Variants in RORC observed in about 807,000 individuals in gnomAD.
RORC encodes the protein RAR related orphan receptor C, also known as nuclear receptor ROR-gamma.
Under a neutral mutation model 64.5 loss-of-function variants are expected in RORC, and 13 were observed. The observed-to-expected ratio is 0.20, with a 90% CI of 0.13 to 0.32. RORC has a LOEUF of 0.32. Ranked by LOEUF, RORC falls within the 10% of genes least tolerant of loss-of-function variation. The pLI, the probability that RORC is intolerant of heterozygous loss-of-function variation, is 1.00. For synonymous variants in RORC, 277 were observed against 259.3 expected (o/e 1.07, Z -0.65); for missense variants, 468 against 669.5 (o/e 0.70, Z 3.32).
At chr1:151,831,156 C>A in intron 1 of RORC, 4 of 1,252,050 alleles carry the variant, frequency 3.2e-6, no homozygotes, top group Non-Finnish European at 4.1e-6. Flanking sequence ...ATCCCACATC[C>A]CTGGGTGAGT....
In RORC at chr1:151,830,659, C is replaced by CACACACACACACACACACACACACACAA. The variant is rs59443678; in HGVS notation, c.40+1065_40+1066insTTGTGTGTGTGTGTGTGTGTGTGTGTGT. Among the ~76,000 whole-genome samples the CACACACACACACACACACACACACACAA allele has an allele frequency of 1.4e-5, 2 of 139,054 alleles. No individual in the cohort carries two copies. 91.2% of individuals were successfully genotyped at this position (139,054 alleles called of 152,430 possible). A position where few individuals can be genotyped will look rare whatever the true frequency, so the allele number is the denominator to read the frequency against. On this transcript the variant is annotated intron_variant, in intron 1 of 10. Transcript: ENST00000318247. This position sits in a 1 kb window ranked among gnomAD's most constrained non-coding sequence, Gnocchi z 4.0. ...ACACACACACACACACACACACACACACAGTGCCCTTCTGCCCGGGAGATG... is the reference window on the plus strand; with the variant it reads ...ACACACACACACACACACACACACACACACACACACACACACACACACACACAAACAGTGCCCTTCTGCCCGGGAGATG...
At position 151,815,173 on chromosome 1, in the gene RORC, G is replaced by C. The variant is rs201371377; in HGVS notation, c.551C>G (p.Pro184Arg). The change falls in exon 5 of 11, where the codon CCC becomes CGC. Residue 184 changes from proline to arginine, a missense_variant. Physicochemically the swap from Pro to Arg is moderately radical, Grantham distance 103. Transcript: ENST00000318247. The part of the protein sequence containing the change: ...PGLLKASGSG[P>R]SYSNNLAKAG... Reference sequence around the variant, plus strand: ...CTTGGCCAAGTTGTTGGAATATGAGGGCCCAGAGCCTGAGGCTTTCAGGAG... The same window carrying C: ...CTTGGCCAAGTTGTTGGAATATGAGCGCCCAGAGCCTGAGGCTTTCAGGAG... 1.2e-6 allele frequency: 2 copies of C among 1,613,862 alleles called. No homozygotes were observed. Among genetic ancestry groups the C allele is most frequent in the Non-Finnish European group, 1.7e-6 (2 of 1,179,952 alleles).
chr1:151,826,004 G>C, intron 2 of RORC: 1 of 1,606,992 alleles, frequency 6.2e-7, no homozygotes, highest in South Asian at 1.1e-5. Flanking sequence ...CAGGAGTGGG[G>C]TGCAGCTGGC....
At chr1:151,824,876 T>G (rs1326523638) in intron 2 of RORC, among the ~76,000 whole-genome samples, 1 of 152,202 alleles carries the variant, frequency 6.6e-6, no homozygotes. Context: ...AAGTGCCTGG[T>G]CTTACACTGT....
chr1:151,817,649 T>C (rs1425271581), intron 2 of RORC, among the ~76,000 whole-genome samples: 1 of 152,230 alleles, frequency 6.6e-6, no homozygotes, highest in Admixed American at 6.5e-5. Context: ...TCACAACACC[T>C]GCTTCCCGCC....
At position 151,829,427 on chromosome 1, in the gene RORC, A is replaced by T; in HGVS notation, c.70+2T>A. ...TTTTCTTGCCCCGGACCCCCTACTCACAGGTGTGGGTCTTCTTTGCAGCCA... is the reference window on the plus strand; with the variant it reads ...TTTTCTTGCCCCGGACCCCCTACTCTCAGGTGTGGGTCTTCTTTGCAGCCA... On this transcript the variant is annotated splice_donor_variant, in intron 2 of 10. Coordinates refer to ENST00000318247, the MANE Select transcript of RORC (RefSeq NM_005060.4). LOFTEE classifies it high-confidence loss of function. The T allele has an allele frequency of 6.5e-7, 1 of 1,535,858 alleles. No individual in the cohort carries two copies.
rs932009589 is a variant in RORC, at chr1:151,829,294, G to T, written c.70+135C>A. On this transcript the variant is annotated intron_variant, in intron 2 of 10. Transcript: ENST00000318247. ...CTGTGGTTTCCTCGCACCTCCCCTTGCTTTCCTGTTGCCTGCCATCTCTTC... is the reference window on the plus strand; with the variant it reads ...CTGTGGTTTCCTCGCACCTCCCCTTTCTTTCCTGTTGCCTGCCATCTCTTC... The T allele has an allele frequency of 5.4e-6, 4 of 746,038 alleles. No individual in the cohort carries two copies. The African/African-American group carries it at 5.6e-5, about 10-fold the overall frequency. 46.2% of individuals were successfully genotyped at this position (746,038 alleles called of 1,614,324 possible).
Position 151,830,666 on chromosome 1 carries a change from C to A in RORC, c.40+1059G>T, listed in dbSNP as rs1652375239. 4.9e-5 allele frequency among the ~76,000 whole-genome samples: 1 copy of A among 20,528 alleles called. No homozygotes were observed. Among genetic ancestry groups the A allele is most frequent in the Non-Finnish European group, 2.6e-4 (1 of 3,908 alleles). The allele number at this position is 20,528 out of a possible 152,430, so 13.5% of individuals were successfully genotyped here. ...CACACACACACACACACACACAGTGCCCTTCTGCCCGGGAGATGCTCCCCA... is the reference window on the plus strand; with the variant it reads ...CACACACACACACACACACACAGTGACCTTCTGCCCGGGAGATGCTCCCCA... On this transcript the variant is annotated intron_variant, in intron 1 of 10. Transcript: ENST00000318247. This position sits in a 1 kb window ranked among gnomAD's most constrained non-coding sequence, Gnocchi z 4.0.
chr1:151,826,092 G>C, intron 2 of RORC: 1 of 1,450,458 alleles, frequency 6.9e-7, no homozygotes, highest in Admixed American at 2.5e-5. Flanking sequence ...CAGTGCTTCT[G>C]GACTGGGGGG....
intron 9 of RORC, 135 bp from the exon 10 acceptor site, chr1:151,811,569 G>T: frequency 1.9e-6 from 1 of 538,892 alleles, no homozygotes; most frequent in Non-Finnish European, 3.3e-6. Flanking sequence ...TGTGTGCCTT[G>T]GTTTGATAAT....
chr1:151,822,167 C>T (rs1652019133), intron 2 of RORC, among the ~76,000 whole-genome samples: 1 of 152,108 alleles, frequency 6.6e-6, no homozygotes, highest in African/African-American at 2.4e-5. Context: ...CCCACCGAGA[C>T]CACAGCTCCG....
At chr1:151,810,682 C>A (rs1651489521) in intron 10 of RORC, among the ~76,000 whole-genome samples, 1 of 152,172 alleles carries the variant, frequency 6.6e-6, no homozygotes, top group African/African-American at 2.4e-5. Context: ...CAGGCGCCTG[C>A]CACCATGCCT....
chr1:151,828,060 C>T (rs1652265906), intron 2 of RORC, among the ~76,000 whole-genome samples: 1 of 152,058 alleles, frequency 6.6e-6, no homozygotes, highest in African/African-American at 2.4e-5. Context: ...AGACACTGAT[C>T]AGGATTATGC....
intron 10 of RORC, among the ~76,000 whole-genome samples, chr1:151,810,472 A>G (rs930107489): frequency 3.3e-5 from 5 of 152,132 alleles, no homozygotes; most frequent in Non-Finnish European, 5.9e-5. Flanking sequence ...AAAGAGCGCA[A>G]AGAGCACTGG....
At chr1:151,813,466 C>T (rs1394683904) in intron 7 of RORC, 22 bp downstream of exon 7, 2 of 1,613,686 alleles carry the variant, frequency 1.2e-6, no homozygotes, top group Admixed American at 1.7e-5. Context: ...GTCCCCAGGC[C>T]TGCCCACCCA....
In RORC at chr1:151,830,585, T is replaced by A. The variant is rs1013653255; in HGVS notation, c.41-1127A>T. ...CTAACCTCTGACTCTATTCTGTTAT[T>A]TTTTTCCTTCTGCTGTTCAGTCTTG... On this transcript the variant is annotated intron_variant, in intron 1 of 10. Coordinates refer to ENST00000318247, the MANE Select transcript of RORC (RefSeq NM_005060.4). The surrounding 1 kb of genome is among the most constrained non-coding windows in gnomAD (Gnocchi z 4.0). Among the ~76,000 whole-genome samples the A allele has an allele frequency of 8.0e-5, 12 of 150,574 alleles. No individual in the cohort carries two copies. In the East Asian group the frequency reaches 2.4e-3, roughly 30 times the overall value.
At position 151,807,116 on chromosome 1, in the gene RORC, T is replaced by C. The variant is rs200445673; in HGVS notation, c.*356A>G. ...GAGCTTCTGAATGAATTGCATTCTA[T>C]TCATCCAGGGAGCCCTGGATGCCCC... On this transcript the variant is annotated 3_prime_UTR_variant, in exon 11 of 11. Coordinates refer to ENST00000318247, the MANE Select transcript of RORC (RefSeq NM_005060.4). The surrounding 1 kb of genome is among the most constrained non-coding windows in gnomAD (Gnocchi z 5.0). The C allele has an allele frequency of 3.4e-5, 7 of 205,698 alleles. No homozygotes were observed. The highest frequency in any genetic ancestry group is 4.9e-5 in the Non-Finnish European group (5 of 102,178). The allele number at this position is 205,698 out of a possible 1,614,324, so 12.7% of individuals were successfully genotyped here. A position where few individuals can be genotyped will look rare whatever the true frequency, so the allele number is the denominator to read the frequency against.
chr1:151,810,601 G>A (rs1395369184), intron 10 of RORC, among the ~76,000 whole-genome samples: 1 of 148,422 alleles, frequency 6.7e-6, no homozygotes, highest in Non-Finnish European at 1.5e-5. Context: ...GCACAATCTT[G>A]GCTCACTGCA....
rs1295175111 is a variant in RORC at position 151,830,992 on chromosome 1, T to A, written c.40+733A>T. On this transcript the variant is annotated intron_variant, in intron 1 of 10. Transcript: ENST00000318247. The surrounding 1 kb of genome is among the most constrained non-coding windows in gnomAD (Gnocchi z 4.0). ...CTTGGTGGCTCTGGCCCTCAAACTT[T>A]CCTCCTCCATGCTCACAGCTGACCA... is the stretch of plus-strand genomic sequence containing the variant. 7.8e-7 allele frequency: 1 copy of A among 1,289,208 alleles called. No homozygotes were observed. The highest frequency in any genetic ancestry group is 1.2e-5 in the South Asian group (1 of 81,020). The allele number at this position is 1,289,208 out of a possible 1,614,324, so 79.9% of individuals were successfully genotyped here.
Sources: gnomAD v4.1 joint callset for allele counts (sites outside exome capture counted in the v4.1 genomes callset) on GRCh38, gnomAD v4.1.1 for gene constraint, Gnocchi (gnomAD v3.1) non-coding constraint, MANE v1.5 for transcripts, NCBI Gene and HGNC (gene_info 2026-07-23, HGNC 2026-07-21) for gene names.